ADCY9: variants seen among roughly 807,000 people sequenced by gnomAD.
The protein encoded by ADCY9 is adenylate cyclase type 9.
In ADCY9, 50 loss-of-function variants were observed where a neutral mutation model predicts 101.5. That is an observed-to-expected ratio of 0.49 (90% CI 0.39 to 0.62). ADCY9 has a LOEUF of 0.62. Among genes scored for constraint, ADCY9 ranks in the 20% least tolerant of loss-of-function variants. The pLI is 0.00. For missense variants in ADCY9, 1,662 were observed against 1,800.4 expected, an observed-to-expected ratio of 0.92 and a Z score of 1.39; for synonymous variants, 905 against 769.3, an observed-to-expected ratio of 1.18 and a Z score of -2.92.
At chr16:4,112,832 A>T (rs1249483016) in intron 2 of ADCY9, among the ~76,000 whole-genome samples, 1 of 152,186 alleles carries the variant, frequency 6.6e-6, no homozygotes, top group Non-Finnish European at 1.5e-5. Flanking sequence ...TGGGGGAAGA[A>T]ATGTAGCAGA....
chr16:3,966,222 G>A lies in ADCY9; in HGVS notation c.3615C>T (p.Arg1205=), dbSNP rs756327580. 13 of 1,614,110 alleles carry A rather than the reference G, an allele frequency of 8.1e-6. No homozygotes were observed. The highest frequency in any genetic ancestry group is 1.0e-5 in the Non-Finnish European group (12 of 1,180,056). Residue 1205 remains arginine, a synonymous_variant, in exon 11 of 11, where the codon CGC becomes CGT. Transcript: ENST00000294016. Reference sequence around the variant, plus strand: ...GGTAGCTCTCTTCGCTCACCTGGATGCGGCACTCCACGCCGGTGGTGTCCA... The same window carrying A: ...GGTAGCTCTCTTCGCTCACCTGGATACGGCACTCCACGCCGGTGGTGTCCA... ...SRMDTTGVEC[R]IQVSEESYRV...
At chr16:4,109,408 G>A (rs572559288) in intron 2 of ADCY9, among the ~76,000 whole-genome samples, 4 of 152,106 alleles carry the variant, frequency 2.6e-5, no homozygotes, top group South Asian at 2.1e-4. Flanking sequence ...TTTTGTTTAC[G>A]GCTGTATTGC....
chr16:3,963,337 G>A lies in ADCY9; in HGVS notation c.*2438C>T, dbSNP rs1446964791. 2.5e-6 allele frequency: 1 copy of A among 398,786 alleles called. No homozygotes were observed. Among genetic ancestry groups the A allele is most frequent in the Non-Finnish European group, 4.4e-6 (1 of 226,010 alleles). The allele number at this position is 398,786 out of a possible 1,614,324, so 24.7% of individuals were successfully genotyped here. ...GCTTAGAAACTCGTGTCTCCAGCAC[G>A]ATGTGCTCGCTGCCAACAGACAAGA... On this transcript the variant is annotated 3_prime_UTR_variant, in exon 11 of 11. Coordinates refer to ENST00000294016, the MANE Select transcript of ADCY9 (RefSeq NM_001116.4).
chr16:4,100,449 C>G (rs1266239438), intron 2 of ADCY9, among the ~76,000 whole-genome samples: 1 of 152,074 alleles, frequency 6.6e-6, no homozygotes, highest in East Asian at 1.9e-4. Context: ...CCTGCCTCAG[C>G]CTCCCAAGTA....
intron 2 of ADCY9, among the ~76,000 whole-genome samples, chr16:4,042,036 G>A (rs2056630995): frequency 6.8e-6 from 1 of 147,232 alleles, no homozygotes; most frequent in African/African-American, 2.5e-5. Context: ...CAGATCTCCT[G>A]CCTCATCCTC....
intron 10 of ADCY9, among the ~76,000 whole-genome samples, chr16:3,968,641 A>C (rs1251350884): frequency 6.6e-6 from 1 of 152,110 alleles, no homozygotes; most frequent in African/African-American, 2.4e-5. Context: ...CAGCACTCGG[A>C]AATTCTGTAA....
chr16:3,977,420 T>C (rs2056101174), intron 9 of ADCY9, 62 bp downstream of exon 9: 2 of 1,524,084 alleles, frequency 1.3e-6, no homozygotes, highest in Non-Finnish European at 1.8e-6. Context: ...AGCCAGGCCC[T>C]ACGCAACCTC....
intron 10 of ADCY9, among the ~76,000 whole-genome samples, chr16:3,967,439 G>A (rs1309587423): frequency 2.6e-5 from 4 of 151,320 alleles, no homozygotes; most frequent in African/African-American, 9.7e-5. Context: ...TGTCCAGGCT[G>A]GAGTGCAATG....
chr16:3,979,339 A>C lies in ADCY9; in HGVS notation c.2520-64T>G, dbSNP rs3730131. 1.5e-3 allele frequency: 2,350 copies of C among 1,583,064 alleles called. 33 individuals carry two copies. In the African/African-American group the frequency reaches 0.028, roughly 19 times the overall value. ...CGGGGTGGGTCATCGGCCAGGAGAC[A>C]GGTGCGAGGCCGCAGCCAGCGCCGC... On this transcript the variant is annotated intron_variant, in intron 7 of 10. Coordinates refer to ENST00000294016, the MANE Select transcript of ADCY9 (RefSeq NM_001116.4).
At chr16:4,009,001 T>C (rs1428975464) in intron 2 of ADCY9, among the ~76,000 whole-genome samples, 1 of 152,182 alleles carries the variant, frequency 6.6e-6, no homozygotes. Flanking sequence ...TAAAATTAAT[T>C]AATCAGAAAC....
chr16:4,082,354 G>A (rs2056908697), intron 2 of ADCY9, among the ~76,000 whole-genome samples: 1 of 152,070 alleles, frequency 6.6e-6, no homozygotes, highest in Admixed American at 6.6e-5. Flanking sequence ...ACCAGCCAGG[G>A]CAACAGAACA....
At position 3,983,423 on chromosome 16, in the gene ADCY9, G is replaced by C. The variant is rs191201790; in HGVS notation, c.2328C>G (p.Pro776=). 5.0e-6 allele frequency: 8 copies of C among 1,605,500 alleles called. No individual in the cohort carries two copies. The highest frequency in any genetic ancestry group is 1.6e-4 in the Middle Eastern group (1 of 6,074). Residue 776 remains proline, a synonymous_variant, in exon 7 of 11, where the codon CCC becomes CCG. Coordinates refer to ENST00000294016, the MANE Select transcript of ADCY9 (RefSeq NM_001116.4). ...AGGTGGGACTAGCAAACGTCTTCAC[G>C]GGGGAGTTCTTTATGACCTGTGTGG... ...SYQEEVIKNS[P]VKTFASPTFS...
chr16:4,032,350 A>C (rs557754252), intron 2 of ADCY9, among the ~76,000 whole-genome samples: 1 of 151,906 alleles, frequency 6.6e-6, no homozygotes, highest in Admixed American at 6.6e-5. Context: ...GACCACCAGG[A>C]ATGGCAAGAT....
intron 2 of ADCY9, among the ~76,000 whole-genome samples, chr16:4,040,945 A>G (rs1260785599): frequency 2.0e-5 from 3 of 151,988 alleles, no homozygotes; most frequent in African/African-American, 7.3e-5. Context: ...TAGACATGGG[A>G]GGGTGGAAAC....
chr16:4,037,974 T>C (rs1418738305), intron 2 of ADCY9, among the ~76,000 whole-genome samples: 4 of 152,112 alleles, frequency 2.6e-5, no homozygotes, highest in Non-Finnish European at 5.9e-5. Flanking sequence ...CACGAAGGGA[T>C]GGTATTAAGT....
At chr16:3,958,673 CTTTT>C (rs1207846349), downstream of ADCY9, among the ~76,000 whole-genome samples, 55 of 103,020 alleles carry the variant, frequency 5.3e-4, 1 homozygote, top group African/African-American at 2.0e-3. Context: ...TCGTCGGTTA[CTTTT>C]TTTTTTTTTT....
At chr16:3,971,909 C>A (rs943198538) in intron 10 of ADCY9, among the ~76,000 whole-genome samples, 1 of 152,166 alleles carries the variant, frequency 6.6e-6, no homozygotes, top group Admixed American at 6.5e-5. Flanking sequence ...ACAGCTGACT[C>A]GAGACGGGCG....
chr16:4,049,642 C>A (rs1254761860), intron 2 of ADCY9, among the ~76,000 whole-genome samples: 1 of 152,180 alleles, frequency 6.6e-6, no homozygotes, highest in Non-Finnish European at 1.5e-5. Context: ...ACATGAAACT[C>A]ACCTCCCGCC....
At chr16:4,087,654 C>T (rs547948722) in intron 2 of ADCY9, among the ~76,000 whole-genome samples, 4 of 151,916 alleles carry the variant, frequency 2.6e-5, no homozygotes, top group Non-Finnish European at 2.9e-5. Flanking sequence ...CTCAGTCCCT[C>T]GTGGGATGTG....
Sources: allele counts gnomAD v4.1 joint callset (sites outside exome capture counted in the v4.1 genomes callset), GRCh38; gene constraint gnomAD v4.1.1; transcripts MANE v1.5; gene names NCBI Gene and HGNC (gene_info 2026-07-23, HGNC 2026-07-21).